SLC16A7: variants seen among roughly 807,000 people sequenced by gnomAD.
SLC16A7 encodes the protein monocarboxylate transporter 2.
In SLC16A7, 33 loss-of-function variants were observed where a neutral mutation model predicts 34.9. The ratio of observed to expected loss-of-function variants is 0.94; its 90% CI spans 0.72 to 1.26. SLC16A7 has a LOEUF of 1.26. Among genes scored for constraint, SLC16A7 ranks in the 50% most tolerant of loss-of-function variants. SLC16A7 has a pLI of 0.00. For synonymous variants in SLC16A7, 201 were observed against 206.6 expected (o/e 0.97, Z 0.23); for missense variants, 573 against 578.1 (o/e 0.99, Z 0.09).
chr12:59,648,655 A>G (rs2137015163), intron 1 of SLC16A7, among the ~76,000 whole-genome samples: 1 of 152,272 alleles, frequency 6.6e-6, no homozygotes, highest in South Asian at 2.1e-4. Context: ...TTAGGAGAAG[A>G]TGTATCAAGA....
chr12:59,726,257 A>C (rs1876217905), intron 3 of SLC16A7, among the ~76,000 whole-genome samples: 1 of 152,136 alleles, frequency 6.6e-6, no homozygotes, highest in African/African-American at 2.4e-5. Flanking sequence ...TCTTTTGAGA[A>C]GGGTCTTGGG....
intron 2 of SLC16A7, among the ~76,000 whole-genome samples, chr12:59,659,931 C>T (rs1868747920): frequency 6.6e-6 from 1 of 151,966 alleles, no homozygotes; most frequent in South Asian, 2.1e-4. Flanking sequence ...AAATACTAGG[C>T]CAGCATATAG....
intron 3 of SLC16A7, among the ~76,000 whole-genome samples, chr12:59,755,894 G>C (rs1254730062): frequency 6.6e-6 from 1 of 152,124 alleles, no homozygotes. Flanking sequence ...GCATGGTACT[G>C]GTACCAAAAC....
intron 3 of SLC16A7, among the ~76,000 whole-genome samples, chr12:59,756,973 G>A (rs2137366962): frequency 7.1e-6 from 1 of 141,218 alleles, no homozygotes; most frequent in African/African-American, 2.7e-5. Flanking sequence ...GGATGAAATT[G>A]GAAATCATCA....
intron 1 of SLC16A7, among the ~76,000 whole-genome samples, chr12:59,638,988 G>A (rs1412242533): frequency 6.6e-6 from 1 of 151,978 alleles, no homozygotes; most frequent in Non-Finnish European, 1.5e-5. Context: ...TTGGGTGATG[G>A]GCTTTAGACT....
chr12:59,614,562 ATG>A (rs1431706443), intron 1 of SLC16A7, among the ~76,000 whole-genome samples: 1 of 152,034 alleles, frequency 6.6e-6, no homozygotes. Flanking sequence ...CGTAATTTGA[ATG>A]TGTCTTTTTC....
chr12:59,675,987 T>A (rs1454844764), intron 2 of SLC16A7, among the ~76,000 whole-genome samples: 1 of 152,122 alleles, frequency 6.6e-6, no homozygotes, highest in Non-Finnish European at 1.5e-5. Flanking sequence ...TGTTCAAAAA[T>A]TAAATTTTTT....
intron 2 of SLC16A7, among the ~76,000 whole-genome samples, chr12:59,692,170 C>T (rs1010182603): frequency 5.9e-5 from 9 of 151,962 alleles, no homozygotes; most frequent in African/African-American, 2.2e-4. Context: ...TCCATCCTCA[C>T]ATCACATCTC....
intron 3 of SLC16A7, among the ~76,000 whole-genome samples, chr12:59,710,307 T>C (rs374171952): frequency 6.6e-6 from 1 of 152,102 alleles, no homozygotes; most frequent in East Asian, 1.9e-4. Context: ...AAGTTGTGAG[T>C]GGATATTATC....
intron 3 of SLC16A7, among the ~76,000 whole-genome samples, chr12:59,738,635 G>T (rs954011778): frequency 4.6e-5 from 7 of 152,104 alleles, no homozygotes; most frequent in African/African-American, 1.4e-4. Context: ...ATCTTAACAA[G>T]GGTTTATGGC....
At chr12:59,651,503 A>G (rs1219585565) in intron 1 of SLC16A7, among the ~76,000 whole-genome samples, 1 of 152,190 alleles carries the variant, frequency 6.6e-6, no homozygotes, top group Non-Finnish European at 1.5e-5. Context: ...TAGTGTTTAC[A>G]GTTATATACA....
chr12:59,600,564 T>C (rs1186810809), intron 1 of SLC16A7, among the ~76,000 whole-genome samples: 1 of 152,136 alleles, frequency 6.6e-6, no homozygotes, highest in South Asian at 2.1e-4. Context: ...ATCCAGCTGT[T>C]TAAAATCATA....
At chr12:59,702,051 C>T (rs558174233) in intron 2 of SLC16A7, among the ~76,000 whole-genome samples, 3 of 151,754 alleles carry the variant, frequency 2.0e-5, no homozygotes, top group South Asian at 4.2e-4. Flanking sequence ...AAATGTCCTT[C>T]GGTATTTCCT....
At chr12:59,769,198 T>C (rs1313217858) in intron 3 of SLC16A7, 1 of 152,168 alleles carries the variant, frequency 6.6e-6, no homozygotes, top group Non-Finnish European at 1.5e-5. Context: ...TATAATTCAA[T>C]GCACACTTAA....
At chr12:59,760,226 T>C (rs2137384257) in intron 3 of SLC16A7, among the ~76,000 whole-genome samples, 1 of 152,172 alleles carries the variant, frequency 6.6e-6, no homozygotes, top group African/African-American at 2.4e-5. Flanking sequence ...CTCTAAAAAT[T>C]ATACCATTTG....
At chr12:59,717,245 T>A (rs549499227) in intron 3 of SLC16A7, among the ~76,000 whole-genome samples, 31 of 152,218 alleles carry the variant, frequency 2.0e-4, no homozygotes, top group Admixed American at 5.2e-4. Flanking sequence ...TTTCCCCACT[T>A]CCATCAGAAA....
At chr12:59,682,649 G>GA (rs1870830738) in intron 2 of SLC16A7, among the ~76,000 whole-genome samples, 1 of 152,116 alleles carries the variant, frequency 6.6e-6, no homozygotes, top group African/African-American at 2.4e-5. Flanking sequence ...TATTTGTGTG[G>GA]AAGGATAGGT....
At chr12:59,668,002 G>A (rs1869352467) in intron 2 of SLC16A7, among the ~76,000 whole-genome samples, 1 of 152,196 alleles carries the variant, frequency 6.6e-6, no homozygotes, top group East Asian at 1.9e-4. Context: ...TTGAGCCTGT[G>A]GATACACAGA....
At chr12:59,675,775 C>T (rs1297246486) in intron 2 of SLC16A7, among the ~76,000 whole-genome samples, 2 of 151,928 alleles carry the variant, frequency 1.3e-5, no homozygotes, top group Non-Finnish European at 2.9e-5. Flanking sequence ...TTTAAATGAA[C>T]ACTTTTAGAA....
Sources: gnomAD v4.1 joint callset for allele counts (sites outside exome capture counted in the v4.1 genomes callset) on GRCh38, gnomAD v4.1.1 for gene constraint, MANE v1.5 for transcripts, NCBI Gene and HGNC (gene_info 2026-07-23, HGNC 2026-07-21) for gene names.